LINGO2: variants seen among roughly 807,000 people sequenced by gnomAD.
LINGO2 encodes leucine rich repeat and Ig domain containing 2, also known as leucine-rich repeat and immunoglobulin-like domain-containing nogo receptor-interacting protein 2.
Under a neutral mutation model 30.6 loss-of-function variants are expected in LINGO2, and 14 were observed. The observed-to-expected ratio is 0.46, with a 90% CI of 0.30 to 0.72. The LOEUF (loss-of-function observed/expected upper bound fraction) is 0.72. Among genes scored for constraint, LINGO2 ranks in the 30% least tolerant of loss-of-function variants. The pLI, the probability that LINGO2 is intolerant of heterozygous loss-of-function variation, is 0.07. For synonymous variants in LINGO2, 317 were observed against 288.5 expected, an observed-to-expected ratio of 1.10 and a Z score of -1.00; for missense variants, 729 against 751.7, an observed-to-expected ratio of 0.97 and a Z score of 0.35.
chr9:28,148,936 TG>T lies in LINGO2; in HGVS notation c.-86-136532del. On this transcript the variant is annotated intron_variant, in intron 4 of 5. Transcript: ENST00000379992. This position sits in a 1 kb window ranked among gnomAD's most constrained non-coding sequence, Gnocchi z 5.1. The stretch of plus-strand genomic sequence containing the variant: ...CAAGTAGGTCTTCTCCACACAGAGC[TG>T]CCGGCCACAGTTCCCACAAAAGAAA... The T allele has an allele frequency of 6.5e-7, 1 of 1,533,982 alleles. No individual in the cohort carries two copies. Among genetic ancestry groups the T allele is most frequent in the Non-Finnish European group, 8.7e-7 (1 of 1,146,690 alleles).
intron 2 of LINGO2, among the ~76,000 whole-genome samples, chr9:28,446,566 C>T (rs141913031): frequency 7.2e-5 from 11 of 152,170 alleles, no homozygotes; most frequent in Non-Finnish European, 1.3e-4. Context: ...CTTATAATTT[C>T]TATTTCCTAA....
At chr9:28,299,097 C>T (rs73645636) in intron 3 of LINGO2, among the ~76,000 whole-genome samples, 2,085 of 152,198 alleles carry the variant, frequency 0.014, 38 homozygotes, top group African/African-American at 0.048. Context: ...CACTTGTTGA[C>T]AAGTTGTTTT....
chr9:28,871,087 C>T, the LINGO2 span, among the ~76,000 whole-genome samples: 6 of 151,476 alleles, frequency 4.0e-5, no homozygotes, highest in African/African-American at 1.2e-4. Context: ...ATGATTGTGG[C>T]AACTTTTAAT....
At chr9:28,355,869 TATC>T (rs1820190020) in intron 3 of LINGO2, among the ~76,000 whole-genome samples, 1 of 152,154 alleles carries the variant, frequency 6.6e-6, no homozygotes, top group South Asian at 2.1e-4. Flanking sequence ...CCAGCGTGAG[TATC>T]ATCATGCTAC....
chr9:28,223,891 T>C (rs1263934171), intron 4 of LINGO2, among the ~76,000 whole-genome samples: 3 of 152,142 alleles, frequency 2.0e-5, no homozygotes, highest in African/African-American at 7.2e-5. Flanking sequence ...CAAAATAAGA[T>C]AATGGGTTTT....
intron 1 of LINGO2, among the ~76,000 whole-genome samples, chr9:28,497,367 C>CT (rs1406872482): frequency 9.9e-5 from 15 of 152,250 alleles, no homozygotes; most frequent in African/African-American, 2.2e-4. Context: ...TCTTTTTACT[C>CT]TTTTTTCTCT....
chr9:28,590,738 A>AAGTC (rs1417372129), intron 1 of LINGO2, among the ~76,000 whole-genome samples: 1 of 152,174 alleles, frequency 6.6e-6, no homozygotes, highest in Admixed American at 6.5e-5. Flanking sequence ...ACCACTGTGG[A>AAGTC]AGTCAGTGTG....
intron 3 of LINGO2, among the ~76,000 whole-genome samples, chr9:28,348,332 T>C (rs188114598): frequency 1.9e-3 from 288 of 152,238 alleles, no homozygotes; most frequent in African/African-American, 3.6e-3. Context: ...ATTGCCTCAC[T>C]TGGGAAGCGC....
At chr9:28,413,404 A>AT (rs1413759831) in intron 2 of LINGO2, among the ~76,000 whole-genome samples, 2 of 152,102 alleles carry the variant, frequency 1.3e-5, no homozygotes, top group Admixed American at 1.3e-4. Flanking sequence ...TCCTTTCCCC[A>AT]TAAAATAAAC....
At chr9:28,861,302 T>C in the LINGO2 span, among the ~76,000 whole-genome samples, 1 of 128,094 alleles carries the variant, frequency 7.8e-6, no homozygotes, top group Non-Finnish European at 1.6e-5. Context: ...TTATATATTA[T>C]ATATTTTATA....
At chr9:28,315,995 T>A (rs935057594) in intron 3 of LINGO2, among the ~76,000 whole-genome samples, 1 of 152,200 alleles carries the variant, frequency 6.6e-6, no homozygotes, top group Admixed American at 6.5e-5. Flanking sequence ...TATGTGATTG[T>A]TGGCCAAGTC....
the LINGO2 span, among the ~76,000 whole-genome samples, chr9:28,968,629 C>A: frequency 6.6e-6 from 1 of 152,202 alleles, no homozygotes; most frequent in East Asian, 1.9e-4. Context: ...AATTGGTGTT[C>A]TTTTAACCTC....
the LINGO2 span, among the ~76,000 whole-genome samples, chr9:28,801,312 A>G: frequency 3.3e-5 from 5 of 152,062 alleles, no homozygotes; most frequent in African/African-American, 1.2e-4. Context: ...TGATGATCTC[A>G]GGAGAGTGTA....
chr9:28,459,961 G>T (rs1433175989), intron 2 of LINGO2, among the ~76,000 whole-genome samples: 1 of 151,906 alleles, frequency 6.6e-6, no homozygotes, highest in Non-Finnish European at 1.5e-5. Flanking sequence ...TTTTAATAAG[G>T]TATATTACAC....
At chr9:29,208,827 T>C in the LINGO2 span, among the ~76,000 whole-genome samples, 1 of 152,160 alleles carries the variant, frequency 6.6e-6, no homozygotes, top group African/African-American at 2.4e-5. Context: ...TCAAGTCTTC[T>C]GGTGTCAGAT....
In LINGO2 at chr9:28,389,578, C is replaced by T. The variant is rs945948438; in HGVS notation, c.-278-16710G>A. ...TCTAGACGTCAGCATTCCTAAATTC[C>T]TGCCTCATCTCTTAGAGGATTCACA... On this transcript the variant is annotated intron_variant, in intron 2 of 5. Coordinates refer to ENST00000379992, the Ensembl canonical transcript of LINGO2. Among the ~76,000 whole-genome samples, 3 of 152,272 alleles carry T rather than the reference C, an allele frequency of 2.0e-5. No homozygotes were observed. In the East Asian group the frequency reaches 5.8e-4, roughly 29 times the overall value.
chr9:29,189,588 ACG>A, the LINGO2 span, among the ~76,000 whole-genome samples: 70 of 148,494 alleles, frequency 4.7e-4, no homozygotes, highest in African/African-American at 1.4e-3. Flanking sequence ...CCAGGCAGAG[ACG>A]CTCCTCACTT....
chr9:28,807,315 T>C, the LINGO2 span, among the ~76,000 whole-genome samples: 1 of 152,108 alleles, frequency 6.6e-6, no homozygotes, highest in African/African-American at 2.4e-5. Context: ...TGAGCCACCA[T>C]GCCCGGCCGT....
At chr9:28,909,342 A>G in the LINGO2 span, among the ~76,000 whole-genome samples, 3 of 152,072 alleles carry the variant, frequency 2.0e-5, no homozygotes, top group South Asian at 2.1e-4. Context: ...AGTTGTCACT[A>G]AAGTTACTAT....
Sources: allele counts gnomAD v4.1 joint callset (sites outside exome capture counted in the v4.1 genomes callset), GRCh38; gene constraint gnomAD v4.1.1; non-coding constraint Gnocchi (gnomAD v3.1); transcripts MANE v1.5; gene names NCBI Gene and HGNC (gene_info 2026-07-23, HGNC 2026-07-21).